Variants in MYBL1 observed in about 807,000 individuals in gnomAD.
MYBL1 encodes the protein MYB proto-oncogene like 1.
In MYBL1, 17 loss-of-function variants were observed where a neutral mutation model predicts 96.3. That is an observed-to-expected ratio of 0.18 (90% CI 0.12 to 0.26). MYBL1 has a LOEUF of 0.26. Among genes scored for constraint, MYBL1 ranks in the 10% least tolerant of loss-of-function variants. The probability of loss-of-function intolerance (pLI) is 1.00; values close to 1 mark genes in which losing one functional copy is unlikely to be tolerated. For missense variants in MYBL1, 701 were observed against 882.9 expected, an observed-to-expected ratio of 0.79 and a Z score of 2.61; for synonymous variants, 282 against 292.7, an observed-to-expected ratio of 0.96 and a Z score of 0.37.
At chr8:66,589,466 C>T (rs1376576895) in intron 8 of MYBL1, among the ~76,000 whole-genome samples, 1 of 152,012 alleles carries the variant, frequency 6.6e-6, no homozygotes, top group Non-Finnish European at 1.5e-5. Flanking sequence ...AGGCACGTGC[C>T]ACCATGCCTG....
intron 9 of MYBL1, among the ~76,000 whole-genome samples, chr8:66,578,471 C>G (rs1313818797): frequency 6.6e-6 from 1 of 152,210 alleles, no homozygotes; most frequent in Non-Finnish European, 1.5e-5. Flanking sequence ...CCAAAAGACA[C>G]TTGAAAAAAT....
In MYBL1 at chr8:66,612,654, G is replaced by T. The variant is rs1231537713; in HGVS notation, c.20+165C>A. 4.0e-6 allele frequency: 3 copies of T among 751,712 alleles called. No homozygotes were observed. The African/African-American group carries it at 5.4e-5, about 14-fold the overall frequency. 46.6% of individuals were successfully genotyped at this position (751,712 alleles called of 1,614,324 possible). A position where few individuals can be genotyped will look rare whatever the true frequency, so the allele number is the denominator to read the frequency against. On this transcript the variant is annotated intron_variant, in intron 1 of 15. Transcript: ENST00000522677. ...CCTGGTCCCCAACTCTCCACACGTC[G>T]CAGCTGCCCTCCGGTCATCGAGGCC... is the stretch of plus-strand genomic sequence containing the variant.
At chr8:66,570,093 A>G (rs1195119906) in intron 12 of MYBL1, among the ~76,000 whole-genome samples, 1 of 152,208 alleles carries the variant, frequency 6.6e-6, no homozygotes, top group Non-Finnish European at 1.5e-5. Flanking sequence ...AAAGAGATGT[A>G]TGAGCCTATA....
chr8:66,601,951 T>A (rs1810089271), intron 2 of MYBL1, among the ~76,000 whole-genome samples, 182 bp from the exon 3 acceptor site: 1 of 152,200 alleles, frequency 6.6e-6, no homozygotes, highest in Admixed American at 6.5e-5. Context: ...ATGTCATCAG[T>A]TATTCATGTC....
intron 3 of MYBL1, among the ~76,000 whole-genome samples, chr8:66,601,091 C>G (rs1013682536): frequency 1.4e-5 from 2 of 144,938 alleles, no homozygotes; most frequent in Admixed American, 7.2e-5. Flanking sequence ...GCAGGAGAAT[C>G]GCTTGAATCT....
At chr8:66,610,254 G>A (rs1312462961) in intron 1 of MYBL1, among the ~76,000 whole-genome samples, 1 of 152,034 alleles carries the variant, frequency 6.6e-6, no homozygotes, top group Non-Finnish European at 1.5e-5. Flanking sequence ...CCAGTGGGAT[G>A]TAAAATTATT....
At chr8:66,585,826 C>T (rs1809396836) in intron 8 of MYBL1, among the ~76,000 whole-genome samples, 4 of 151,870 alleles carry the variant, frequency 2.6e-5, no homozygotes, top group Admixed American at 1.3e-4. Context: ...AAAACACAGG[C>T]AGTAAAAGCA....
chr8:66,603,413 A>T (rs984795031), intron 1 of MYBL1, among the ~76,000 whole-genome samples: 2 of 152,120 alleles, frequency 1.3e-5, no homozygotes, highest in Non-Finnish European at 2.9e-5. Context: ...TTTAACATAC[A>T]AGATAAAGGT....
At chr8:66,566,008 AGTGAT>A in intron 15 of MYBL1, 51 bp downstream of exon 15, 7 of 1,190,602 alleles carry the variant, frequency 5.9e-6, no homozygotes, top group Non-Finnish European at 8.2e-6. Context: ...GTAAATCCAA[AGTGAT>A]CATTGACTAA....
At chr8:66,601,873 T>C (rs974517328) in intron 2 of MYBL1, 104 bp from the exon 3 acceptor site, 10 of 515,712 alleles carry the variant, frequency 1.9e-5, no homozygotes, top group East Asian at 9.7e-5. Context: ...CTGGTAACCA[T>C]AGAATAACTA....
chr8:66,582,734 A>AC (rs1420159009), intron 8 of MYBL1, among the ~76,000 whole-genome samples: 9 of 150,306 alleles, frequency 6.0e-5, no homozygotes, highest in African/African-American at 2.2e-4. Context: ...AAAAAAAAAA[A>AC]CCCTATAAAA....
At chr8:66,578,640 A>C (rs917848053) in intron 9 of MYBL1, among the ~76,000 whole-genome samples, 4 of 152,220 alleles carry the variant, frequency 2.6e-5, no homozygotes, top group African/African-American at 7.2e-5. Flanking sequence ...GTGGGACTGT[A>C]AACTAGTTCA....
chr8:66,567,522 A>AGT (rs1482473715), intron 12 of MYBL1, among the ~76,000 whole-genome samples: 3 of 147,086 alleles, frequency 2.0e-5, no homozygotes, highest in Admixed American at 6.7e-5. Flanking sequence ...AGACAGAGAG[A>AGT]GTGAGTGTGT....
chr8:66,584,342 A>G (rs1477785228), intron 8 of MYBL1, among the ~76,000 whole-genome samples: 2 of 152,210 alleles, frequency 1.3e-5, no homozygotes, highest in Non-Finnish European at 2.9e-5. Flanking sequence ...CACCACTTCT[A>G]TTCAACACAG....
rs1205865547 is a variant in MYBL1, at chr8:66,566,133, T to A, written c.2061A>T (p.Thr687=). ...TTGGTTTCTTTTTAGTAAGTGTATA[T>A]GTTTTGTTGGTTGAATTTATATCTT... The part of the protein sequence containing the change: ...EKQDINSTNK[T]YTLTKKKPNP... The change falls in exon 15 of 16, where the codon ACA becomes ACT. Residue 687 remains threonine, a synonymous_variant. Transcript: ENST00000522677. The A allele has an allele frequency of 1.9e-6, 3 of 1,545,464 alleles. No individual in the cohort carries two copies. The highest frequency in any genetic ancestry group is 2.6e-6 in the Non-Finnish European group (3 of 1,140,962).
intron 1 of MYBL1, among the ~76,000 whole-genome samples, chr8:66,605,573 C>A (rs1013982279): frequency 6.6e-6 from 1 of 152,182 alleles, no homozygotes; most frequent in African/African-American, 2.4e-5. Flanking sequence ...GTAATCCCAG[C>A]ACTTTGGGAG....
intron 1 of MYBL1, among the ~76,000 whole-genome samples, chr8:66,607,821 T>G (rs1253832562): frequency 9.2e-5 from 14 of 152,130 alleles, no homozygotes; most frequent in Non-Finnish European, 2.9e-5. Context: ...CTGTTTAACC[T>G]TTCTTAGAAA....
intron 1 of MYBL1, among the ~76,000 whole-genome samples, chr8:66,605,267 A>G (rs1810267609): frequency 6.6e-6 from 1 of 152,176 alleles, no homozygotes; most frequent in Non-Finnish European, 1.5e-5. Flanking sequence ...CAATAGCCAC[A>G]TGTGGCTAAT....
intron 8 of MYBL1, among the ~76,000 whole-genome samples, chr8:66,588,726 G>GA (rs1401586979): frequency 1.3e-5 from 2 of 151,560 alleles, no homozygotes; most frequent in Non-Finnish European, 1.5e-5. Flanking sequence ...AACTGTTTAG[G>GA]AAAAAAAACT....
Sources: allele counts gnomAD v4.1 joint callset (sites outside exome capture counted in the v4.1 genomes callset), GRCh38; gene constraint gnomAD v4.1.1; transcripts MANE v1.5; gene names NCBI Gene and HGNC (gene_info 2026-07-23, HGNC 2026-07-21).